AUTS2: variants seen among roughly 807,000 people sequenced by gnomAD.
The protein encoded by AUTS2 is autism susceptibility gene 2 protein.
A neutral mutation model predicts 112.4 loss-of-function variants in AUTS2; 17 were observed. The observed-to-expected ratio is 0.15, with a 90% CI of 0.10 to 0.23. The LOEUF (loss-of-function observed/expected upper bound fraction) is 0.23. AUTS2 is among the 10% of genes least tolerant of loss of function. The pLI is 1.00. For missense variants in AUTS2, 1,510 were observed against 1,701.6 expected (o/e 0.89, Z 1.98); for synonymous variants, 751 against 702.7 (o/e 1.07, Z -1.09).
At chr7:69,946,978 T>C (rs1796839530) in intron 2 of AUTS2, among the ~76,000 whole-genome samples, 5 of 152,180 alleles carry the variant, frequency 3.3e-5, no homozygotes, top group Admixed American at 3.3e-4. Context: ...CCTCAACTCA[T>C]GGAAAATCCT....
intron 5 of AUTS2, among the ~76,000 whole-genome samples, chr7:70,670,785 C>A (rs1009919235): frequency 3.3e-5 from 5 of 152,178 alleles, no homozygotes; most frequent in Non-Finnish European, 5.9e-5. Context: ...TTACCCAGTG[C>A]CCCCGCATCC....
intron 5 of AUTS2, among the ~76,000 whole-genome samples, chr7:70,554,587 G>T (rs1801168788): frequency 6.6e-6 from 1 of 151,904 alleles, no homozygotes; most frequent in South Asian, 2.1e-4. Context: ...TGTCCCCAAG[G>T]GATGCTCTTT....
intron 1 of AUTS2, among the ~76,000 whole-genome samples, chr7:69,673,810 C>G (rs955892138): frequency 2.0e-5 from 3 of 152,112 alleles, no homozygotes; most frequent in African/African-American, 7.2e-5. Context: ...ACCATGTGCT[C>G]CAGGGAAAAG....
At chr7:69,860,814 C>A (rs1009427030) in intron 1 of AUTS2, among the ~76,000 whole-genome samples, 2 of 152,182 alleles carry the variant, frequency 1.3e-5, no homozygotes, top group African/African-American at 2.4e-5. Context: ...CTGCTTCTTG[C>A]AATGTCAACT....
intron 4 of AUTS2, among the ~76,000 whole-genome samples, chr7:70,349,505 G>A (rs1029705750): frequency 2.6e-5 from 4 of 152,184 alleles, no homozygotes; most frequent in Admixed American, 1.3e-4. Context: ...TAAGTCATTG[G>A]CACTCCAATG....
chr7:69,679,437 T>C (rs766750576), intron 1 of AUTS2, among the ~76,000 whole-genome samples: 7 of 152,236 alleles, frequency 4.6e-5, no homozygotes, highest in Admixed American at 2.0e-4. Context: ...GAGAATTGTT[T>C]AGTTAATATT....
chr7:70,271,827 G>A (rs1432349850), intron 4 of AUTS2, among the ~76,000 whole-genome samples: 3 of 152,176 alleles, frequency 2.0e-5, no homozygotes, highest in African/African-American at 7.2e-5. Context: ...TTACATGATA[G>A]GTCTGTAACA....
intron 2 of AUTS2, among the ~76,000 whole-genome samples, chr7:70,086,696 C>G (rs1584699721): frequency 6.6e-6 from 1 of 151,144 alleles, no homozygotes; most frequent in South Asian, 2.1e-4. Context: ...ATTTCACAAC[C>G]TTTGTCAGAT....
At chr7:70,604,688 A>G (rs75375278) in intron 5 of AUTS2, among the ~76,000 whole-genome samples, 1 of 152,314 alleles carries the variant, frequency 6.6e-6, no homozygotes, top group African/African-American at 2.4e-5. Flanking sequence ...CTCTGCTGAC[A>G]GAGAAGCTAT....
At chr7:70,010,875 T>A (rs1193468621) in intron 2 of AUTS2, among the ~76,000 whole-genome samples, 1 of 152,088 alleles carries the variant, frequency 6.6e-6, no homozygotes. Context: ...ATTCTGGATA[T>A]TAGAAATTGG....
At chr7:69,932,192 TG>T (rs1459491493) in intron 2 of AUTS2, among the ~76,000 whole-genome samples, 1 of 152,238 alleles carries the variant, frequency 6.6e-6, no homozygotes, top group Non-Finnish European at 1.5e-5. Flanking sequence ...CATACTTGCT[TG>T]CTTTGCATGG....
At chr7:70,367,091 C>A (rs1430412095) in intron 4 of AUTS2, among the ~76,000 whole-genome samples, 1 of 152,018 alleles carries the variant, frequency 6.6e-6, no homozygotes, top group Non-Finnish European at 1.5e-5. Context: ...TTTAGACCAG[C>A]CTCACCAACA....
intron 2 of AUTS2, among the ~76,000 whole-genome samples, chr7:70,092,032 C>T (rs1301423745): frequency 8.6e-6 from 1 of 115,726 alleles, no homozygotes; most frequent in Non-Finnish European, 1.8e-5. Flanking sequence ...TCGTCATATC[C>T]CCCAAATTAT....
chr7:69,971,519 G>A (rs1797849352), intron 2 of AUTS2, among the ~76,000 whole-genome samples: 1 of 152,034 alleles, frequency 6.6e-6, no homozygotes, highest in Admixed American at 6.6e-5. Context: ...ATCACAACAA[G>A]GATATTGACA....
At chr7:69,852,608 A>G (rs1255535433) in intron 1 of AUTS2, among the ~76,000 whole-genome samples, 1 of 152,010 alleles carries the variant, frequency 6.6e-6, no homozygotes, top group East Asian at 1.9e-4. Context: ...GCCTGCCACC[A>G]TGCCCGGCTA....
chr7:70,762,904 T>C lies in AUTS2; in HGVS notation c.777T>C (p.His259=), dbSNP rs751428951. 6.2e-7 allele frequency: 1 copy of C among 1,614,018 alleles called. No homozygotes were observed. Among genetic ancestry groups the C allele is most frequent in the Non-Finnish European group, 8.5e-7 (1 of 1,179,986 alleles). Residue 259 remains histidine (H), a synonymous_variant, in exon 7 of 19, where the codon CAT becomes CAC. Coordinates refer to ENST00000342771, the MANE Select transcript of AUTS2 (RefSeq NM_015570.4). The part of the protein sequence containing the change: ...PELGVGTLPE[H]DSQDAGPIVP... Reference sequence around the variant, plus strand: ...TAGGTGTTGGCACGCTACCAGAACATGACAGCCAGGATGCAGGGCCGATTG... The same window carrying C: ...TAGGTGTTGGCACGCTACCAGAACACGACAGCCAGGATGCAGGGCCGATTG...
intron 1 of AUTS2, among the ~76,000 whole-genome samples, chr7:69,727,481 A>T (rs1268000770): frequency 6.6e-6 from 1 of 152,102 alleles, no homozygotes; most frequent in African/African-American, 2.4e-5. Context: ...TCCCAGCTAC[A>T]TGGGAGGCCG....
intron 4 of AUTS2, among the ~76,000 whole-genome samples, chr7:70,193,722 A>T (rs1810024880): frequency 6.6e-6 from 1 of 152,344 alleles, no homozygotes; most frequent in Middle Eastern, 3.4e-3. Flanking sequence ...CTCATCCAAC[A>T]TAATTTTCTA....
chr7:70,767,291 A>AAGTT (rs1790004449), intron 9 of AUTS2, among the ~76,000 whole-genome samples: 1 of 152,070 alleles, frequency 6.6e-6, no homozygotes, highest in African/African-American at 2.4e-5. Flanking sequence ...TGTGTTTTTA[A>AAGTT]AGTTTGTTTT....
Sources: gnomAD v4.1 joint callset for allele counts (sites outside exome capture counted in the v4.1 genomes callset) on GRCh38, gnomAD v4.1.1 for gene constraint, MANE v1.5 for transcripts, NCBI Gene and HGNC (gene_info 2026-07-23, HGNC 2026-07-21) for gene names.